SVOPL: variants seen among roughly 807,000 people sequenced by gnomAD.
SVOPL encodes the protein SVOP like.
SVOPL carries 60 observed loss-of-function variants against 61.0 expected under a neutral mutation model. That is an observed-to-expected ratio of 0.98 (90% CI 0.80 to 1.22). The LOEUF (loss-of-function observed/expected upper bound fraction) is 1.22. Ranked by LOEUF, SVOPL falls within the 50% of genes most tolerant of loss-of-function variation. SVOPL has a pLI of 0.00. For synonymous variants in SVOPL, 279 were observed against 250.0 expected (o/e 1.12, Z -1.09); for missense variants, 662 against 643.9 (o/e 1.03, Z -0.30).
At chr7:138,622,074 C>CTATCTATCTATGTATCTATCTATCTAGG (rs1563096100) in intron 13 of SVOPL, among the ~76,000 whole-genome samples, 1 of 24,656 alleles carries the variant, frequency 4.1e-5, no homozygotes, top group Non-Finnish European at 7.6e-5. Context: ...ATCTATGTAT[C>CTATCTATCTATGTATCTATCTATCTAGG]TATCTATCTA....
intron 3 of SVOPL, among the ~76,000 whole-genome samples, chr7:138,677,179 C>T (rs1802586533): frequency 1.3e-5 from 2 of 152,152 alleles, no homozygotes; most frequent in Non-Finnish European, 2.9e-5. Flanking sequence ...GCTGGGATTA[C>T]AGGCGTGAGC....
intron 5 of SVOPL, 85 bp downstream of exon 5, chr7:138,662,989 C>A: frequency 6.3e-7 from 1 of 1,588,492 alleles, no homozygotes; most frequent in Non-Finnish European, 8.6e-7. Flanking sequence ...GAGGGAGATG[C>A]CTACTAAAGA....
chr7:138,595,404 C>T (rs1267952342), intron 15 of SVOPL, among the ~76,000 whole-genome samples: 2 of 152,134 alleles, frequency 1.3e-5, no homozygotes, highest in Admixed American at 6.5e-5. Context: ...ATTGAACCTA[C>T]TTGTTTGTTT....
At chr7:138,685,230 C>T (rs1003503534) in intron 1 of SVOPL, among the ~76,000 whole-genome samples, 5 of 152,158 alleles carry the variant, frequency 3.3e-5, no homozygotes, top group Non-Finnish European at 5.9e-5. Flanking sequence ...CTGTGCCCGG[C>T]CACAATGGAA....
chr7:138,599,167 A>AAAAAAAAAAAAAAAAAAAAAAAAAC (rs58372563), intron 14 of SVOPL, among the ~76,000 whole-genome samples: 3 of 121,792 alleles, frequency 2.5e-5, no homozygotes, highest in African/African-American at 6.3e-5. Context: ...ACCAAAAAAA[A>AAAAAAAAAAAAAAAAAAAAAAAAAC]AAGAAATACA....
chr7:138,641,071 C>T (rs185736586), intron 9 of SVOPL, among the ~76,000 whole-genome samples: 3 of 151,962 alleles, frequency 2.0e-5, no homozygotes, highest in South Asian at 2.1e-4. Flanking sequence ...GGTATGATGG[C>T]GCACACCTAT....
intron 1 of SVOPL, among the ~76,000 whole-genome samples, chr7:138,694,645 G>T (rs754274398): frequency 6.6e-6 from 1 of 152,200 alleles, no homozygotes; most frequent in Non-Finnish European, 1.5e-5. Flanking sequence ...TCCCATAATA[G>T]AATGCCATAT....
At chr7:138,638,272 CAAAAAA>C (rs56000217) in intron 9 of SVOPL, among the ~76,000 whole-genome samples, 1 of 95,820 alleles carries the variant, frequency 1.0e-5, no homozygotes, top group African/African-American at 4.2e-5. Context: ...GACTCCACCT[CAAAAAA>C]AAAAAAAAAA....
chr7:138,683,479 T>C (rs1005680469), intron 1 of SVOPL, among the ~76,000 whole-genome samples: 5 of 152,156 alleles, frequency 3.3e-5, no homozygotes, highest in Non-Finnish European at 2.9e-5. Context: ...GCAATTCTCC[T>C]GCCTCAGCCT....
intron 14 of SVOPL, among the ~76,000 whole-genome samples, chr7:138,619,705 C>T (rs1030523989): frequency 2.0e-5 from 3 of 152,002 alleles, no homozygotes; most frequent in African/African-American, 4.8e-5. Context: ...CCCATCCCAA[C>T]TCCCGCTCTC....
chr7:138,677,007 C>G (rs527967335), intron 3 of SVOPL, among the ~76,000 whole-genome samples: 1 of 150,660 alleles, frequency 6.6e-6, no homozygotes, highest in Non-Finnish European at 1.5e-5. Context: ...GGATTCACGC[C>G]ATTCTCCTGC....
intron 14 of SVOPL, among the ~76,000 whole-genome samples, chr7:138,611,844 A>G (rs1428527564): frequency 2.0e-4 from 14 of 70,228 alleles, no homozygotes; most frequent in African/African-American, 2.8e-4. Context: ...TTGGCCTCCC[A>G]AAGTGCCGAG....
At chr7:138,637,459 T>TAG (rs1331646308) in intron 9 of SVOPL, among the ~76,000 whole-genome samples, 120 of 14,324 alleles carry the variant, frequency 8.4e-3, no homozygotes, top group African/African-American at 0.023. Context: ...TAGATAGATA[T>TAG]ATATATATAG....
At chr7:138,600,589 G>A (rs984131859) in intron 14 of SVOPL, among the ~76,000 whole-genome samples, 10 of 151,492 alleles carry the variant, frequency 6.6e-5, no homozygotes, top group African/African-American at 1.5e-4. Context: ...GTGACAGAGC[G>A]AGACAGTGTC....
At chr7:138,611,293 G>A (rs1394638610) in intron 14 of SVOPL, among the ~76,000 whole-genome samples, 1 of 152,128 alleles carries the variant, frequency 6.6e-6, no homozygotes, top group Non-Finnish European at 1.5e-5. Flanking sequence ...CATGAGAATT[G>A]CTTGAACCCA....
chr7:138,630,466 A>G (rs536527278), intron 9 of SVOPL, among the ~76,000 whole-genome samples: 313 of 152,344 alleles, frequency 2.1e-3, no homozygotes, highest in African/African-American at 7.4e-3. Context: ...CTGATGAGAG[A>G]TTCTTCTAAA....
chr7:138,669,092 G>A (rs1225198569), intron 4 of SVOPL, among the ~76,000 whole-genome samples: 5 of 152,096 alleles, frequency 3.3e-5, no homozygotes, highest in South Asian at 2.1e-4. Context: ...TTGCTCCTTC[G>A]CCCTCAAGCA....
At chr7:138,638,995 G>A (rs1022089367) in intron 9 of SVOPL, among the ~76,000 whole-genome samples, 1 of 152,208 alleles carries the variant, frequency 6.6e-6, no homozygotes, top group East Asian at 1.9e-4. Flanking sequence ...GCTCATGCCT[G>A]TAATCCCAAC....
chr7:138,656,324 T>C, intron 7 of SVOPL, 124 bp downstream of exon 7: 1 of 958,504 alleles, frequency 1.0e-6, no homozygotes, highest in Non-Finnish European at 1.6e-6. Flanking sequence ...TGACTCACTT[T>C]ATTCTGATAC....
Sources: gnomAD v4.1 joint callset for allele counts (sites outside exome capture counted in the v4.1 genomes callset) on GRCh38, gnomAD v4.1.1 for gene constraint, MANE v1.5 for transcripts, NCBI Gene and HGNC (gene_info 2026-07-23, HGNC 2026-07-21) for gene names.